Variants in USP4 observed in about 807,000 individuals in gnomAD.
The protein encoded by USP4 is ubiquitin specific peptidase 4.
USP4 carries 72 observed loss-of-function variants against 118.2 expected under a neutral mutation model. The ratio of observed to expected loss-of-function variants is 0.61; its 90% CI spans 0.50 to 0.74. The LOEUF (loss-of-function observed/expected upper bound fraction) is 0.74, where lower values mean the gene tolerates loss of function less well. USP4 is among the 30% of genes least tolerant of loss of function. The pLI is 0.00. For synonymous variants in USP4, 415 were observed against 440.4 expected (o/e 0.94, Z 0.72); for missense variants, 1,037 against 1,185.7 (o/e 0.87, Z 1.84).
intron 6 of USP4, among the ~76,000 whole-genome samples, chr3:49,313,022 C>T (rs2047402765): frequency 6.6e-6 from 1 of 151,064 alleles, no homozygotes; most frequent in Admixed American, 6.6e-5. Context: ...TCCCGAGTAG[C>T]TGGGACTACA....
At chr3:49,338,548 G>C (rs1298054214) in intron 1 of USP4, among the ~76,000 whole-genome samples, 1 of 151,466 alleles carries the variant, frequency 6.6e-6, no homozygotes, top group African/African-American at 2.4e-5. Flanking sequence ...TGTAATCCTA[G>C]CTACTGGGGA....
In USP4 at chr3:49,284,463, T is replaced by C; in HGVS notation, c.2390+3A>G. 6.2e-7 allele frequency: 1 copy of C among 1,611,744 alleles called. No individual in the cohort carries two copies. Among genetic ancestry groups the C allele is most frequent in the Non-Finnish European group, 8.5e-7 (1 of 1,178,288 alleles). On this transcript the variant is annotated splice_donor_region_variant and intron_variant, in intron 18 of 21. Coordinates refer to ENST00000265560, the MANE Select transcript of USP4 (RefSeq NM_003363.4). ...TCTGCCCAGACAGTGAGGAGCTGCG[T>C]ACCAGGGGTCATGCTCCCCAAGGGT...
At chr3:49,320,703 T>A (rs2047490127) in intron 6 of USP4, among the ~76,000 whole-genome samples, 1 of 152,362 alleles carries the variant, frequency 6.6e-6, no homozygotes, top group South Asian at 2.1e-4. Context: ...GTTATTAGAC[T>A]TCACTGAATT....
At chr3:49,325,311 C>T (rs1224371335) in intron 4 of USP4, among the ~76,000 whole-genome samples, 1 of 151,964 alleles carries the variant, frequency 6.6e-6, no homozygotes, top group Non-Finnish European at 1.5e-5. Flanking sequence ...TTGGAGTTAA[C>T]TCAGATATGG....
At chr3:49,285,245 T>G (rs2047080230) in intron 16 of USP4, among the ~76,000 whole-genome samples, 1 of 150,184 alleles carries the variant, frequency 6.7e-6, no homozygotes, top group Non-Finnish European at 1.5e-5. Flanking sequence ...ACTGACAAAA[T>G]GGATGAAACA....
Position 49,292,609 on chromosome 3 carries a change from A to C in USP4, c.1884-11T>G. On this transcript the variant is annotated splice_polypyrimidine_tract_variant and intron_variant, in intron 14 of 21. Transcript: ENST00000265560. ...TGTTTCACATAGCGGCTTCAAAAAGAGAAAAAGAGAAGAAAAAAAAGATTG... is the reference window on the plus strand; with the variant it reads ...TGTTTCACATAGCGGCTTCAAAAAGCGAAAAAGAGAAGAAAAAAAAGATTG... 3 of 1,546,614 alleles carry C rather than the reference A, an allele frequency of 1.9e-6. No individual in the cohort carries two copies. The highest frequency in any genetic ancestry group is 2.6e-6 in the Non-Finnish European group (3 of 1,144,860).
At chr3:49,290,025 G>A (rs1045751034) in intron 15 of USP4, among the ~76,000 whole-genome samples, 1 of 152,200 alleles carries the variant, frequency 6.6e-6, no homozygotes, top group Non-Finnish European at 1.5e-5. Context: ...AGGTGGATGA[G>A]GTGGGAGGAT....
intron 8 of USP4, among the ~76,000 whole-genome samples, chr3:49,306,461 C>A (rs1036659471): frequency 1.3e-5 from 2 of 152,044 alleles, no homozygotes; most frequent in South Asian, 4.2e-4. Flanking sequence ...CCTTGGCCTC[C>A]CAAAGTGCTG....
intron 6 of USP4, chr3:49,316,923 C>T (rs757303276): frequency 3.9e-5 from 24 of 615,562 alleles, no homozygotes; most frequent in African/African-American, 1.3e-4. Flanking sequence ...GGCTGTGCCC[C>T]GGGCTTGTCA....
chr3:49,325,622 A>G, intron 4 of USP4, 97 bp downstream of exon 4: 4 of 1,519,640 alleles, frequency 2.6e-6, no homozygotes, highest in Non-Finnish European at 3.6e-6. Context: ...TAACAAATCT[A>G]AAGAGGGCAT....
rs763193195 is a variant in USP4, at chr3:49,278,880, T to A, written c.2667A>T (p.Lys889Asn). 3 of 1,612,358 alleles carry A rather than the reference T, an allele frequency of 1.9e-6. No homozygotes were observed. In the South Asian group the frequency reaches 3.3e-5, roughly 18 times the overall value. ...CAAAGTAATACCATTTACCATTCAG[T>A]TTGTTCTTCGCATATGCAGTGTCTG... ...VGHYTAYAKN[K>N]LNGKWYYFDD... Residue 889 changes from lysine to asparagine, a missense_variant, in exon 21 of 22, where the codon AAA becomes AAT. By Grantham distance (94) the Lys-to-Asn change is moderately conservative (BLOSUM62 0). Coordinates refer to ENST00000265560, the MANE Select transcript of USP4 (RefSeq NM_003363.4).
intron 11 of USP4, among the ~76,000 whole-genome samples, chr3:49,299,427 C>T (rs2047242024): frequency 6.8e-6 from 1 of 147,430 alleles, no homozygotes; most frequent in South Asian, 2.1e-4. Context: ...GAGTCTCGCT[C>T]TGTCGCCCAG....
intron 2 of USP4, among the ~76,000 whole-genome samples, chr3:49,334,911 C>T (rs1417523824): frequency 1.3e-5 from 2 of 152,198 alleles, no homozygotes; most frequent in African/African-American, 4.8e-5. Flanking sequence ...AAAGCTGACT[C>T]TGTCATCTCA....
chr3:49,332,370 A>C (rs1309549730), intron 2 of USP4, among the ~76,000 whole-genome samples: 1 of 151,998 alleles, frequency 6.6e-6, no homozygotes, highest in Non-Finnish European at 1.5e-5. Context: ...AGGTGGGAGG[A>C]TCACTTGAGC....
In USP4 at chr3:49,339,927, T is replaced by G; in HGVS notation, c.98A>C (p.Gln33Pro). ...GAAGAGCGAGCCGGGAGCTCACCAC[T>G]GCGCCCCGCGTTGGAGTGTGGTCCT... The part of the protein sequence containing the change: ...LMRTTLQRGA[Q>P]WYLIDSRWFK... The change falls in exon 1 of 22, where the codon CAG becomes CCG. Residue 33 changes from glutamine (Q) to proline (P), a missense_variant. Physicochemically the swap from Gln to Pro is moderately conservative, Grantham distance 76. This residue lies in a region of USP4 where 487 missense variants were observed against 534.1 expected (regional missense o/e 0.91). Transcript: ENST00000265560. The G allele has an allele frequency of 1.2e-6, 2 of 1,612,326 alleles. No individual in the cohort carries two copies. The highest frequency in any genetic ancestry group is 1.7e-6 in the Non-Finnish European group (2 of 1,179,400).
intron 6 of USP4, chr3:49,318,663 C>T (rs1575616130): frequency 3.1e-6 from 3 of 971,104 alleles, no homozygotes; most frequent in East Asian, 2.3e-4. Flanking sequence ...AATCCCAGCA[C>T]TCTGGGACGC....
At position 49,298,651 on chromosome 3, in the gene USP4, G is replaced by T; in HGVS notation, c.1513-16C>A. 1.9e-6 allele frequency: 3 copies of T among 1,613,412 alleles called. No individual in the cohort carries two copies. Among genetic ancestry groups the T allele is most frequent in the East Asian group, 2.2e-5 (1 of 44,880 alleles). ...TCACACGGTACTGCAAGACAGAGATGGTCAAGGTCACAGGGGTGCCCCACA... is the reference window on the plus strand; with the variant it reads ...TCACACGGTACTGCAAGACAGAGATTGTCAAGGTCACAGGGGTGCCCCACA... On this transcript the variant is annotated splice_polypyrimidine_tract_variant and intron_variant, in intron 11 of 21. Transcript: ENST00000265560.
chr3:49,310,471 T>A (rs2047371969), intron 8 of USP4, 149 bp downstream of exon 8: 2 of 708,308 alleles, frequency 2.8e-6, no homozygotes. Flanking sequence ...CTATACCACC[T>A]AGTGGGAGAT....
In USP4 at chr3:49,294,655, A is replaced by T. The variant is rs368451931; in HGVS notation, c.1692-57T>A. 1.2e-5 allele frequency: 19 copies of T among 1,538,326 alleles called. No individual in the cohort carries two copies. In the East Asian group the frequency reaches 1.4e-4, roughly 11 times the overall value. ...CAGTAGGTCCTTGTGAACAACAGAG[A>T]TCTGAGCTGAAGCTATGTGGTGGCC... On this transcript the variant is annotated intron_variant, in intron 13 of 21. Transcript: ENST00000265560.
Sources: gnomAD v4.1 joint callset for allele counts (sites outside exome capture counted in the v4.1 genomes callset) on GRCh38, gnomAD v4.1.1 for gene constraint, gnomAD v4.1.1 regional missense constraint, MANE v1.5 for transcripts, NCBI Gene and HGNC (gene_info 2026-07-23, HGNC 2026-07-21) for gene names.